SRPK2: variants seen among roughly 807,000 people sequenced by gnomAD.
SRPK2 encodes the protein SFRS protein kinase 2.
In SRPK2, 21 loss-of-function variants were observed where a neutral mutation model predicts 90.8. The ratio of observed to expected loss-of-function variants is 0.23; its 90% confidence interval spans 0.16 to 0.33. The LOEUF is 0.33. Ranked by LOEUF, SRPK2 falls within the 10% of genes least tolerant of loss-of-function variation. The pLI is 1.00. For missense variants in SRPK2, 620 were observed against 869.0 expected (o/e 0.71, Z 3.60); for synonymous variants, 288 against 311.1 (o/e 0.93, Z 0.78).
chr7:105,224,191 A>G (rs1297452485), intron 2 of SRPK2, among the ~76,000 whole-genome samples: 2 of 152,192 alleles, frequency 1.3e-5, no homozygotes, highest in Non-Finnish European at 2.9e-5. Flanking sequence ...TTATGAGTCT[A>G]TATATTCATT....
intron 2 of SRPK2, among the ~76,000 whole-genome samples, chr7:105,282,579 G>A (rs1027181255): frequency 2.6e-5 from 4 of 152,154 alleles, no homozygotes; most frequent in Non-Finnish European, 5.9e-5. Context: ...AAGGTGGGCG[G>A]ATCACTTGAG....
At chr7:105,256,546 G>T (rs549159363) in intron 2 of SRPK2, among the ~76,000 whole-genome samples, 3 of 152,006 alleles carry the variant, frequency 2.0e-5, no homozygotes, top group African/African-American at 4.8e-5. Context: ...TTGTAGAGAC[G>T]GGGGTCTTGG....
intron 2 of SRPK2, among the ~76,000 whole-genome samples, chr7:105,308,446 A>G (rs908725527): frequency 6.6e-6 from 1 of 152,196 alleles, no homozygotes; most frequent in Non-Finnish European, 1.5e-5. Flanking sequence ...ACTCTTATTT[A>G]GGGCAACCAA....
chr7:105,168,240 T>C (rs1459793901), intron 4 of SRPK2, 145 bp from the exon 5 acceptor site: 3 of 630,354 alleles, frequency 4.8e-6, no homozygotes, highest in Admixed American at 3.1e-5. Context: ...GTCAACACGA[T>C]GCCACAGTGT....
intron 6 of SRPK2, among the ~76,000 whole-genome samples, chr7:105,163,088 G>GA (rs1405796652): frequency 6.6e-6 from 1 of 152,166 alleles, no homozygotes; most frequent in Non-Finnish European, 1.5e-5. Context: ...TACTCAAGAT[G>GA]AATTTCTAAA....
intron 2 of SRPK2, among the ~76,000 whole-genome samples, chr7:105,248,856 G>A (rs1320380736): frequency 6.6e-6 from 1 of 151,520 alleles, no homozygotes; most frequent in Non-Finnish European, 1.5e-5. Flanking sequence ...AACCCGGGAG[G>A]CAGAGCTTGC....
intron 6 of SRPK2, among the ~76,000 whole-genome samples, chr7:105,165,570 C>A (rs1211049296): frequency 6.6e-6 from 1 of 152,034 alleles, no homozygotes; most frequent in Non-Finnish European, 1.5e-5. Flanking sequence ...AACGCACTGA[C>A]CAGTGGTCTG....
At chr7:105,341,518 C>A (rs1815793049) in intron 2 of SRPK2, among the ~76,000 whole-genome samples, 1 of 151,950 alleles carries the variant, frequency 6.6e-6, no homozygotes, top group Non-Finnish European at 1.5e-5. Flanking sequence ...ACTAAAAATA[C>A]AAAAATTAGT....
chr7:105,258,622 G>A (rs1803726703), intron 2 of SRPK2, among the ~76,000 whole-genome samples: 1 of 152,104 alleles, frequency 6.6e-6, no homozygotes, highest in Non-Finnish European at 1.5e-5. Context: ...GAACACTGAT[G>A]CGAAAATCCT....
chr7:105,291,044 CAAA>C (rs10684672), intron 2 of SRPK2, among the ~76,000 whole-genome samples: 1 of 83,794 alleles, frequency 1.2e-5, no homozygotes, highest in Non-Finnish European at 2.1e-5. Flanking sequence ...GACTCCGTCT[CAAA>C]AAAAAAAAAA....
chr7:105,397,313 A>G (rs1479912890), intron 1 of SRPK2, among the ~76,000 whole-genome samples: 1 of 134,824 alleles, frequency 7.4e-6, no homozygotes, highest in Non-Finnish European at 1.6e-5. Flanking sequence ...ACCATGCCCG[A>G]CCCCCTTGAG....
At position 105,232,608 on chromosome 7, in the gene SRPK2, A is replaced by G. The variant is rs541174392; in HGVS notation, c.72-28823T>C. Among the ~76,000 whole-genome samples, 36 of 44,500 alleles carry G rather than the reference A, an allele frequency of 8.1e-4. 1 individual carries two copies. The highest frequency in any genetic ancestry group is 2.7e-3 in the African/African-American group (33 of 12,438). 29.2% of individuals were successfully genotyped at this position (44,500 alleles called of 152,430 possible). A position where few individuals can be genotyped will look rare whatever the true frequency, so the allele number is the denominator to read the frequency against. ...AGTCTCTAAAGTGAAAAGGCTGCAA[A>G]ACAAAACAAAAAAAAACAGTAACAG... On this transcript the variant is annotated intron_variant, in intron 2 of 15. Transcript: ENST00000393651.
intron 2 of SRPK2, among the ~76,000 whole-genome samples, chr7:105,320,335 T>C (rs944125851): frequency 2.0e-5 from 3 of 152,202 alleles, no homozygotes; most frequent in Non-Finnish European, 4.4e-5. Flanking sequence ...TTTAATCATT[T>C]GGAAGAGGAA....
upstream of SRPK2, among the ~76,000 whole-genome samples, chr7:105,391,294 C>T (rs541550054): frequency 3.9e-3 from 591 of 152,222 alleles, no homozygotes; most frequent in Non-Finnish European, 6.5e-3. Flanking sequence ...CAACCTCTGC[C>T]TCCCAGGTTC....
chr7:105,322,387 A>T (rs1396754926), intron 2 of SRPK2, among the ~76,000 whole-genome samples: 1 of 152,216 alleles, frequency 6.6e-6, no homozygotes, highest in Non-Finnish European at 1.5e-5. Flanking sequence ...ACGGCACTTC[A>T]GCCTGGGCGA....
At chr7:105,323,990 T>TGC (rs1357094118) in intron 2 of SRPK2, among the ~76,000 whole-genome samples, 4 of 129,164 alleles carry the variant, frequency 3.1e-5, no homozygotes, top group African/African-American at 1.0e-4. Flanking sequence ...TGTGTGTGTG[T>TGC]GTGTGTGTGT....
chr7:105,351,046 G>A (rs777965195), intron 2 of SRPK2, among the ~76,000 whole-genome samples: 12 of 152,146 alleles, frequency 7.9e-5, no homozygotes, highest in African/African-American at 2.2e-4. Flanking sequence ...TGGGTATTAT[G>A]AGGCAGGTCT....
intron 2 of SRPK2, among the ~76,000 whole-genome samples, chr7:105,254,947 C>A (rs1236705475): frequency 6.6e-6 from 1 of 151,706 alleles, no homozygotes; most frequent in African/African-American, 2.4e-5. Flanking sequence ...GCCTCGGCCT[C>A]CCAAAGTGCT....
intron 2 of SRPK2, chr7:105,204,990 A>G (rs1796015862): frequency 1.1e-5 from 3 of 269,670 alleles, no homozygotes; most frequent in Admixed American, 9.2e-5. Context: ...TGCGGCATAC[A>G]GTCAAAGCTC....
Sources: gnomAD v4.1 joint callset for allele counts (sites outside exome capture counted in the v4.1 genomes callset) on GRCh38, gnomAD v4.1.1 for gene constraint, MANE v1.5 for transcripts, NCBI Gene and HGNC (gene_info 2026-07-23, HGNC 2026-07-21) for gene names.